UNC5C: variants seen among roughly 807,000 people sequenced by gnomAD.
UNC5C encodes unc-5 netrin receptor C, also known as netrin receptor UNC5C.
A neutral mutation model predicts 99.8 loss-of-function variants in UNC5C; 47 were observed. The ratio of observed to expected loss-of-function variants is 0.47; its 90% CI spans 0.37 to 0.60. The LOEUF (loss-of-function observed/expected upper bound fraction) is 0.60, where lower values mean the gene tolerates loss of function less well. UNC5C is among the 20% of genes least tolerant of loss of function. UNC5C has a pLI of 0.00. For missense variants in UNC5C, 1,062 were observed against 1,165.9 expected, an observed-to-expected ratio of 0.91 and a Z score of 1.30; for synonymous variants, 487 against 452.2, an observed-to-expected ratio of 1.08 and a Z score of -0.98.
intron 6 of UNC5C, among the ~76,000 whole-genome samples, chr4:95,243,996 C>T (rs1739414025): frequency 6.6e-6 from 1 of 152,174 alleles, no homozygotes; most frequent in South Asian, 2.1e-4. Flanking sequence ...TGGGAGACTG[C>T]TCTGACATTT....
At chr4:95,379,806 C>A (rs2149441411) in intron 1 of UNC5C, among the ~76,000 whole-genome samples, 1 of 152,168 alleles carries the variant, frequency 6.6e-6, no homozygotes, top group African/African-American at 2.4e-5. Context: ...GATAAGGAGT[C>A]CGAGAGGGCA....
intron 3 of UNC5C, among the ~76,000 whole-genome samples, chr4:95,288,063 A>ATTAATTATTTATTTAT (rs1741300570): frequency 7.0e-6 from 1 of 143,176 alleles, no homozygotes; most frequent in Non-Finnish European, 1.5e-5. Context: ...CACTTTACAG[A>ATTAATTATTTATTTAT]TTATTTATTT....
chr4:95,258,408 A>C (rs1367212151), intron 4 of UNC5C, among the ~76,000 whole-genome samples: 2 of 152,190 alleles, frequency 1.3e-5, no homozygotes, highest in African/African-American at 2.4e-5. Flanking sequence ...CTGAGTTAGA[A>C]ATTATTTTTA....
chr4:95,322,251 G>T (rs1227678812), intron 2 of UNC5C, among the ~76,000 whole-genome samples: 4 of 152,172 alleles, frequency 2.6e-5, no homozygotes, highest in Non-Finnish European at 5.9e-5. Context: ...GGTGTGATAG[G>T]TATATTTATT....
In UNC5C at chr4:95,266,492, G is replaced by T. The variant is rs184244496; in HGVS notation, c.594+11767C>A. On this transcript the variant is annotated intron_variant, in intron 4 of 15. Transcript: ENST00000453304. Reference sequence around the variant, plus strand: ...CAGTATATGGTATGTTCCCAGAAAAGGTGTATAAAACTGCCATCCCTACTT... The same window carrying T: ...CAGTATATGGTATGTTCCCAGAAAATGTGTATAAAACTGCCATCCCTACTT... Among the ~76,000 whole-genome samples the T allele has an allele frequency of 2.6e-3, 394 of 152,290 alleles. 4 individuals carry two copies. Among genetic ancestry groups the T allele is most frequent in the Admixed American group, 0.024 (362 of 15,302 alleles).
chr4:95,506,960 AAAT>A (rs150351322), intron 1 of UNC5C, among the ~76,000 whole-genome samples: 5,746 of 151,956 alleles, frequency 0.038, 180 homozygotes, highest in African/African-American at 0.09. Flanking sequence ...TACAAATAAC[AAAT>A]AATAAATAGT....
chr4:95,524,317 G>A (rs1272561158), intron 1 of UNC5C, among the ~76,000 whole-genome samples: 1 of 152,016 alleles, frequency 6.6e-6, no homozygotes, highest in Non-Finnish European at 1.5e-5. Flanking sequence ...CACTTCTCTG[G>A]GTTATTGTGA....
At chr4:95,224,536 T>C (rs1005164149) in intron 7 of UNC5C, among the ~76,000 whole-genome samples, 1 of 152,224 alleles carries the variant, frequency 6.6e-6, no homozygotes, top group Non-Finnish European at 1.5e-5. Flanking sequence ...TTTAAACTAC[T>C]CAATAAATGT....
rs148579729 is a variant in UNC5C, at chr4:95,292,954, C to T, written c.490+8652G>A. On this transcript the variant is annotated intron_variant, in intron 3 of 15. Transcript: ENST00000453304. ...ATTCTGGTATGGCAGATGGTTAACT[C>T]AAAAGAAAACAAATAATGATGAAGA... Among the ~76,000 whole-genome samples, 701 of 152,018 alleles carry T rather than the reference C, an allele frequency of 4.6e-3. 8 individuals carry two copies. Among genetic ancestry groups the T allele is most frequent in the African/African-American group, 0.016 (664 of 41,444 alleles).
At chr4:95,484,337 G>C (rs1721265320) in intron 1 of UNC5C, among the ~76,000 whole-genome samples, 1 of 151,826 alleles carries the variant, frequency 6.6e-6, no homozygotes, top group African/African-American at 2.4e-5. Context: ...CTTTCTTGTA[G>C]CAAGGAAGGA....
chr4:95,508,611 G>T (rs938727450), intron 1 of UNC5C, among the ~76,000 whole-genome samples: 1 of 151,504 alleles, frequency 6.6e-6, no homozygotes, highest in Non-Finnish European at 1.5e-5. Context: ...ATGTGTTTTC[G>T]TTTCTCTCCA....
intron 1 of UNC5C, among the ~76,000 whole-genome samples, chr4:95,375,050 G>A (rs1406099675): frequency 6.6e-6 from 1 of 152,106 alleles, no homozygotes; most frequent in Non-Finnish European, 1.5e-5. Flanking sequence ...AACAGAGACT[G>A]GAAAGTGGAT....
At chr4:95,327,918 G>T (rs1742950196) in intron 2 of UNC5C, among the ~76,000 whole-genome samples, 1 of 151,570 alleles carries the variant, frequency 6.6e-6, no homozygotes, top group Non-Finnish European at 1.5e-5. Context: ...AACCCAAAAA[G>T]GCTGTCACAC....
At position 95,202,968 on chromosome 4, in the gene UNC5C, G is replaced by A; in HGVS notation, c.1903-4C>T. 6.2e-7 allele frequency: 1 copy of A among 1,613,906 alleles called. No homozygotes were observed. On this transcript the variant is annotated splice_polypyrimidine_tract_variant and splice_region_variant and intron_variant, in intron 11 of 15. Coordinates refer to ENST00000453304, the MANE Select transcript of UNC5C (RefSeq NM_003728.4). ...CCTCCCCGACCACCACCACATCCTG[G>A]GGGACAAGAGGGAAGGGCCATGGCT...
chr4:95,346,259 T>C lies in UNC5C; in HGVS notation c.125-10628A>G, dbSNP rs574584734. Among the ~76,000 whole-genome samples the C allele has an allele frequency of 6.6e-5, 10 of 151,924 alleles. No homozygotes were observed. The South Asian group carries it at 1.5e-3, about 22-fold the overall frequency. ...AGAAATCCAAGACTCGAACAGACCA[T>C]TAACAAGTAAGGGGATCACAGAAGT... On this transcript the variant is annotated intron_variant, in intron 1 of 15. Transcript: ENST00000453304.
At chr4:95,188,072 A>T (rs1736906539) in intron 12 of UNC5C, among the ~76,000 whole-genome samples, 1 of 152,172 alleles carries the variant, frequency 6.6e-6, no homozygotes, top group African/African-American at 2.4e-5. Flanking sequence ...AATACATAAG[A>T]TCCTGTATTA....
chr4:95,360,268 T>C (rs1744348170), intron 1 of UNC5C, among the ~76,000 whole-genome samples: 2 of 152,204 alleles, frequency 1.3e-5, no homozygotes, highest in South Asian at 4.1e-4. Flanking sequence ...TTAACCAATA[T>C]ATTTATAAAA....
At chr4:95,547,863 C>A (rs1282838050) in intron 1 of UNC5C, among the ~76,000 whole-genome samples, 1 of 152,242 alleles carries the variant, frequency 6.6e-6, no homozygotes, top group Non-Finnish European at 1.5e-5. Context: ...TCCTCCCTTA[C>A]CCATCCCCAA....
chr4:95,428,864 G>A (rs1387056264), intron 1 of UNC5C, among the ~76,000 whole-genome samples: 1 of 152,040 alleles, frequency 6.6e-6, no homozygotes, highest in Non-Finnish European at 1.5e-5. Context: ...AGCTGCTACA[G>A]TTTTCTATCT....
Sources: allele counts gnomAD v4.1 joint callset (sites outside exome capture counted in the v4.1 genomes callset), GRCh38; gene constraint gnomAD v4.1.1; transcripts MANE v1.5; gene names NCBI Gene and HGNC (gene_info 2026-07-23, HGNC 2026-07-21).